ALCAM: variants seen among roughly 807,000 people sequenced by gnomAD.
ALCAM encodes the protein CD166 antigen.
ALCAM carries 30 observed loss-of-function variants against 70.9 expected under a neutral mutation model. The observed-to-expected ratio is 0.42, with a 90% CI of 0.32 to 0.57. The LOEUF (loss-of-function observed/expected upper bound fraction) is 0.57, where lower values mean the gene tolerates loss of function less well. Ranked by LOEUF, ALCAM falls within the 20% of genes least tolerant of loss-of-function variation. The pLI is 0.11. For synonymous variants in ALCAM, 249 were observed against 242.5 expected (o/e 1.03, Z -0.25); for missense variants, 591 against 695.1 (o/e 0.85, Z 1.68).
chr3:105,474,252 T>C (rs1392395913), intron 1 of ALCAM, among the ~76,000 whole-genome samples: 2 of 151,804 alleles, frequency 1.3e-5, no homozygotes, highest in Non-Finnish European at 2.9e-5. Flanking sequence ...GAATTAAAGA[T>C]GTAATCAGGC....
At chr3:105,378,774 C>T (rs760261505) in intron 1 of ALCAM, among the ~76,000 whole-genome samples, 1 of 151,792 alleles carries the variant, frequency 6.6e-6, no homozygotes, top group African/African-American at 2.4e-5. Flanking sequence ...TAGAAAATGC[C>T]ACCTTTCTAA....
At chr3:105,500,171 A>G (rs1416096922) in intron 1 of ALCAM, among the ~76,000 whole-genome samples, 1 of 152,012 alleles carries the variant, frequency 6.6e-6, no homozygotes, top group African/African-American at 2.4e-5. Flanking sequence ...CAGTTTCCAC[A>G]TTATTTCACA....
chr3:105,552,886 G>A, intron 14 of ALCAM: 1 of 1,131,446 alleles, frequency 8.8e-7, no homozygotes, highest in East Asian at 5.9e-5. Context: ...CTTCCTAAAG[G>A]TCAACAACCA....
intron 1 of ALCAM, among the ~76,000 whole-genome samples, chr3:105,504,160 G>A (rs73191090): frequency 0.18 from 27,426 of 152,168 alleles, 2,847 homozygotes; most frequent in Admixed American, 0.27. Flanking sequence ...TGCGACAGGG[G>A]TAGTGGCTCG....
chr3:105,554,425 A>G (rs1329502283), intron 14 of ALCAM, among the ~76,000 whole-genome samples: 1 of 151,908 alleles, frequency 6.6e-6, no homozygotes, highest in Non-Finnish European at 1.5e-5. Context: ...AGGCCCACCC[A>G]CATAGAGGAG....
chr3:105,376,071 G>A (rs1322657198), intron 1 of ALCAM, among the ~76,000 whole-genome samples: 1 of 152,124 alleles, frequency 6.6e-6, no homozygotes, highest in African/African-American at 2.4e-5. Flanking sequence ...AGTTCAGTGT[G>A]TGTGAGTTTG....
chr3:105,427,726 G>A (rs888186909), intron 1 of ALCAM, among the ~76,000 whole-genome samples: 7 of 151,850 alleles, frequency 4.6e-5, no homozygotes, highest in Non-Finnish European at 8.8e-5. Flanking sequence ...GGCGGGGAGG[G>A]TTCATAGAGT....
chr3:105,467,999 A>T (rs187897657), intron 1 of ALCAM, among the ~76,000 whole-genome samples: 1 of 151,384 alleles, frequency 6.6e-6, no homozygotes, highest in Admixed American at 6.6e-5. Flanking sequence ...TGCCCCATGA[A>T]AAAGAAGTGG....
intron 8 of ALCAM, among the ~76,000 whole-genome samples, chr3:105,542,390 C>G (rs570947549): frequency 6.6e-6 from 1 of 151,894 alleles, no homozygotes; most frequent in African/African-American, 2.4e-5. Context: ...CAGAAAAAGA[C>G]ACATGTAAAT....
chr3:105,427,738 T>C (rs1936826722), intron 1 of ALCAM, among the ~76,000 whole-genome samples: 1 of 151,906 alleles, frequency 6.6e-6, no homozygotes, highest in African/African-American at 2.4e-5. Context: ...TCATAGAGTT[T>C]CTCCGATTTT....
At chr3:105,530,772 G>A (rs1939820395) in intron 3 of ALCAM, among the ~76,000 whole-genome samples, 1 of 151,846 alleles carries the variant, frequency 6.6e-6, no homozygotes, top group African/African-American at 2.4e-5. Flanking sequence ...TATTTATGAG[G>A]GGAAATTAAC....
chr3:105,487,049 G>C (rs752179386), intron 1 of ALCAM, among the ~76,000 whole-genome samples: 68 of 151,880 alleles, frequency 4.5e-4, no homozygotes, highest in South Asian at 1.9e-3. Context: ...GCCTAGTTTG[G>C]CAAGAGATTT....
chr3:105,375,759 T>TA (rs1935359259), intron 1 of ALCAM, among the ~76,000 whole-genome samples: 1 of 152,106 alleles, frequency 6.6e-6, no homozygotes, highest in African/African-American at 2.4e-5. Flanking sequence ...ATTTTTTTCT[T>TA]AAAAAAACCA....
intron 1 of ALCAM, among the ~76,000 whole-genome samples, chr3:105,476,434 A>G (rs1576188587): frequency 1.3e-5 from 2 of 152,046 alleles, no homozygotes; most frequent in African/African-American, 2.4e-5. Flanking sequence ...AATGTCTCAT[A>G]GTTTTTGCCT....
chr3:105,552,719 T>A, intron 14 of ALCAM, 134 bp downstream of exon 14: 1 of 1,509,758 alleles, frequency 6.6e-7, no homozygotes, highest in Non-Finnish European at 8.9e-7. Context: ...TCAGGTTGAT[T>A]ATATATTTTG....
chr3:105,405,516 G>A (rs1290942048), intron 1 of ALCAM, among the ~76,000 whole-genome samples: 1 of 151,976 alleles, frequency 6.6e-6, no homozygotes, highest in Admixed American at 6.6e-5. Flanking sequence ...CGTCAACAAA[G>A]ACACAATGGA....
chr3:105,427,317 A>T (rs1936815195), intron 1 of ALCAM, among the ~76,000 whole-genome samples: 1 of 151,892 alleles, frequency 6.6e-6, no homozygotes, highest in African/African-American at 2.4e-5. Flanking sequence ...CCCTACCTCT[A>T]CTGTTGCTTT....
At chr3:105,383,789 A>G (rs547122481) in intron 1 of ALCAM, among the ~76,000 whole-genome samples, 21 of 151,888 alleles carry the variant, frequency 1.4e-4, no homozygotes, top group Non-Finnish European at 2.4e-4. Flanking sequence ...ATTTAAACTA[A>G]TTTATTTTAA....
chr3:105,552,934 A>G, intron 14 of ALCAM: 27 of 1,075,522 alleles, frequency 2.5e-5, no homozygotes, highest in Non-Finnish European at 2.8e-5. Flanking sequence ...ATTCATTAAA[A>G]GTACCTAGTA....
Sources: gnomAD v4.1 joint callset for allele counts (sites outside exome capture counted in the v4.1 genomes callset) on GRCh38, gnomAD v4.1.1 for gene constraint, MANE v1.5 for transcripts, NCBI Gene and HGNC (gene_info 2026-07-23, HGNC 2026-07-21) for gene names.